GFOD2: variants seen among roughly 807,000 people sequenced by gnomAD.
GFOD2 encodes the protein glucose-fructose oxidoreductase domain-containing protein 2.
In GFOD2, 9 loss-of-function variants were observed where a neutral mutation model predicts 24.6. The ratio of observed to expected loss-of-function variants is 0.37; its 90% CI spans 0.22 to 0.64. The LOEUF (loss-of-function observed/expected upper bound fraction) is 0.64. Ranked by LOEUF, GFOD2 falls within the 30% of genes least tolerant of loss-of-function variation. The pLI is 0.65. For synonymous variants in GFOD2, 211 were observed against 224.8 expected, an observed-to-expected ratio of 0.94 and a Z score of 0.55; for missense variants, 476 against 532.5, an observed-to-expected ratio of 0.89 and a Z score of 1.04.
Position 67,680,904 on chromosome 16 carries a change from G to A in GFOD2, c.259+4553C>T, listed in dbSNP as rs1230334175. The A allele has an allele frequency of 3.0e-6, 3 of 985,266 alleles. No individual in the cohort carries two copies. In the East Asian group the frequency reaches 3.4e-4, roughly 112 times the overall value. 61.0% of individuals were successfully genotyped at this position (985,266 alleles called of 1,614,324 possible). On this transcript the variant is annotated intron_variant, in intron 2 of 2. Coordinates refer to ENST00000268797, the MANE Select transcript of GFOD2 (RefSeq NM_030819.4). ...AATCTCCTGCTCTTCTTTAATAAAA[G>A]AAGCTTTACAACAGGTACTAGCAGG...
intron 1 of GFOD2, among the ~76,000 whole-genome samples, chr16:67,703,001 C>T (rs1335505937): frequency 1.3e-5 from 2 of 152,162 alleles, no homozygotes; most frequent in Non-Finnish European, 2.9e-5. Flanking sequence ...AGGTCACTCA[C>T]TCATTAGGCA....
chr16:67,674,702 G>A lies in GFOD2; in HGVS notation c.*453C>T, dbSNP rs2053169769. 1 of 158,830 alleles carries A rather than the reference G, an allele frequency of 6.3e-6. No homozygotes were observed. The highest frequency in any genetic ancestry group is 1.9e-4 in the South Asian group (1 of 5,328). 9.8% of individuals were successfully genotyped at this position (158,830 alleles called of 1,614,324 possible). Reference sequence around the variant, plus strand: ...AGGGCCTGGTCACATGGGAGGGCAGGTGAGGGTCCCTGAGGGACAGCTTGT... The same window carrying A: ...AGGGCCTGGTCACATGGGAGGGCAGATGAGGGTCCCTGAGGGACAGCTTGT... On this transcript the variant is annotated 3_prime_UTR_variant, in exon 3 of 3. Coordinates refer to ENST00000268797, the MANE Select transcript of GFOD2 (RefSeq NM_030819.4).
chr16:67,685,135 C>T (rs2053256126), intron 2 of GFOD2: 3 of 1,344,076 alleles, frequency 2.2e-6, no homozygotes, highest in Admixed American at 6.3e-5. Context: ...AACCAATTCC[C>T]CGCCACCCAG....
chr16:67,695,243 C>T (rs1186969363), intron 1 of GFOD2, among the ~76,000 whole-genome samples: 3 of 151,294 alleles, frequency 2.0e-5, no homozygotes, highest in East Asian at 2.0e-4. Context: ...GTGATCCACC[C>T]GCCTTGACCT....
intron 1 of GFOD2, among the ~76,000 whole-genome samples, chr16:67,717,948 C>T (rs1597807931): frequency 2.0e-5 from 3 of 152,316 alleles, no homozygotes; most frequent in East Asian, 1.9e-4. Context: ...TGAAAATTTC[C>T]TCTCTTGGTC....
chr16:67,715,220 A>G (rs2142998036), intron 1 of GFOD2, among the ~76,000 whole-genome samples: 1 of 152,142 alleles, frequency 6.6e-6, no homozygotes, highest in Non-Finnish European at 1.5e-5. Context: ...CATCACACCC[A>G]GCTAATTTTT....
intron 1 of GFOD2, among the ~76,000 whole-genome samples, chr16:67,714,033 C>G (rs1484000007): frequency 1.3e-5 from 2 of 151,910 alleles, no homozygotes; most frequent in Non-Finnish European, 2.9e-5. Flanking sequence ...TTTGCACCAA[C>G]CTATTGAAAT....
intron 1 of GFOD2, among the ~76,000 whole-genome samples, chr16:67,698,467 C>T (rs2053374517): frequency 6.6e-6 from 1 of 152,022 alleles, no homozygotes; most frequent in South Asian, 2.1e-4. Flanking sequence ...CAATAAGAAC[C>T]ATTGGATTTT....
At chr16:67,715,265 G>A (rs986628832) in intron 1 of GFOD2, among the ~76,000 whole-genome samples, 2 of 152,024 alleles carry the variant, frequency 1.3e-5, no homozygotes, top group African/African-American at 2.4e-5. Context: ...TCACTATGTC[G>A]GCCAGGCTGG....
intron 1 of GFOD2, among the ~76,000 whole-genome samples, chr16:67,699,257 G>A (rs900479696): frequency 5.9e-5 from 9 of 152,180 alleles, no homozygotes; most frequent in Admixed American, 1.3e-4. Context: ...CAGCAGAATC[G>A]CTGGAACCAA....
intron 1 of GFOD2, among the ~76,000 whole-genome samples, chr16:67,711,650 A>G (rs1029520066): frequency 3.3e-5 from 5 of 152,124 alleles, no homozygotes; most frequent in African/African-American, 1.2e-4. Flanking sequence ...TCACACTTAA[A>G]ATGTCCAGAA....
Position 67,685,908 on chromosome 16 carries a change from T to C in GFOD2, c.-87-106A>G. On this transcript the variant is annotated intron_variant, in intron 1 of 2. Transcript: ENST00000268797. ...TCTCGCTCTGTTGCCCAAGCTGGAG[T>C]GCAGTGGTGCGAAGGCTACTTTCAA... is the stretch of plus-strand genomic sequence containing the variant. 10 of 619,884 alleles carry C rather than the reference T, an allele frequency of 1.6e-5. 1 individual carries two copies. The South Asian group carries it at 2.3e-4, about 14-fold the overall frequency. 38.4% of individuals were successfully genotyped at this position (619,884 alleles called of 1,614,324 possible). A position where few individuals can be genotyped will look rare whatever the true frequency, so the allele number is the denominator to read the frequency against.
chr16:67,699,303 C>T (rs1339427789), intron 1 of GFOD2, among the ~76,000 whole-genome samples: 1 of 152,030 alleles, frequency 6.6e-6, no homozygotes, highest in African/African-American at 2.4e-5. Flanking sequence ...GATCGCACCA[C>T]TGGCACTCCA....
chr16:67,706,800 A>G (rs1287257902), intron 1 of GFOD2, among the ~76,000 whole-genome samples: 1 of 152,182 alleles, frequency 6.6e-6, no homozygotes, highest in Non-Finnish European at 1.5e-5. Flanking sequence ...TATGTAACAA[A>G]GGACTTGTCT....
intron 1 of GFOD2, among the ~76,000 whole-genome samples, chr16:67,698,446 A>G (rs2053374308): frequency 6.6e-6 from 1 of 152,162 alleles, no homozygotes; most frequent in Non-Finnish European, 1.5e-5. Flanking sequence ...ACCTTGACTA[A>G]TGCAGGTAAG....
intron 1 of GFOD2, among the ~76,000 whole-genome samples, chr16:67,699,603 C>A (rs2142996126): frequency 6.6e-6 from 1 of 152,046 alleles, no homozygotes; most frequent in South Asian, 2.1e-4. Flanking sequence ...CGTGCCTCAG[C>A]CACCCGAGCA....
At chr16:67,692,194 T>C (rs1194493264) in intron 1 of GFOD2, among the ~76,000 whole-genome samples, 1 of 132,838 alleles carries the variant, frequency 7.5e-6, no homozygotes, top group African/African-American at 2.9e-5. Context: ...TTAGAAACAA[T>C]ACTAGATGAA....
At chr16:67,716,690 A>C (rs2053509387) in intron 1 of GFOD2, among the ~76,000 whole-genome samples, 1 of 152,110 alleles carries the variant, frequency 6.6e-6, no homozygotes, top group Non-Finnish European at 1.5e-5. Context: ...GAACACAATG[A>C]TTTTCATGAA....
At chr16:67,702,932 A>G (rs12933402) in intron 1 of GFOD2, among the ~76,000 whole-genome samples, 1 of 151,870 alleles carries the variant, frequency 6.6e-6, no homozygotes, top group Non-Finnish European at 1.5e-5. Flanking sequence ...AGAATCACCC[A>G]CCTCACTGTG....
Sources: gnomAD v4.1 joint callset for allele counts (sites outside exome capture counted in the v4.1 genomes callset) on GRCh38, gnomAD v4.1.1 for gene constraint, MANE v1.5 for transcripts, NCBI Gene and HGNC (gene_info 2026-07-23, HGNC 2026-07-21) for gene names.